The following SAE1 variants were observed in gnomAD, a reference collection of about 807,000 sequenced individuals.
SAE1 encodes the protein SUMO-activating enzyme subunit 1.
Under a neutral mutation model 40.6 loss-of-function variants are expected in SAE1, and 11 were observed. The observed-to-expected ratio is 0.27, with a 90% CI of 0.17 to 0.45. The LOEUF (loss-of-function observed/expected upper bound fraction) is 0.45, where lower values mean the gene tolerates loss of function less well. Among genes scored for constraint, SAE1 ranks in the 20% least tolerant of loss-of-function variants. SAE1 has a pLI of 1.00. For synonymous variants in SAE1, 155 were observed against 154.3 expected, an observed-to-expected ratio of 1.00 and a Z score of -0.03; for missense variants, 373 against 427.3, an observed-to-expected ratio of 0.87 and a Z score of 1.12.
At chr19:47,133,311 C>T (rs1400350747) in intron 1 of SAE1, among the ~76,000 whole-genome samples, 4 of 152,146 alleles carry the variant, frequency 2.6e-5, no homozygotes, top group Admixed American at 6.5e-5. Context: ...GCAGTGAATC[C>T]GCCTCCCAGG....
At chr19:47,167,260 C>G (rs1395682846) in intron 5 of SAE1, among the ~76,000 whole-genome samples, 1 of 149,454 alleles carries the variant, frequency 6.7e-6, no homozygotes, top group Non-Finnish European at 1.5e-5. Flanking sequence ...GGCCTGCGCC[C>G]AGATAATTTT....
Position 47,179,124 on chromosome 19 carries a change from A to G in SAE1, c.733+9201A>G, listed in dbSNP as rs111945862. 8.1e-3 allele frequency among the ~76,000 whole-genome samples: 1,212 copies of G among 148,738 alleles called. 19 individuals are homozygous for G. The highest frequency in any genetic ancestry group is 0.028 in the African/African-American group (1,130 of 40,276). Reference sequence around the variant, plus strand: ...GGAGAATGGTGTGAACCCGGGAGGCAGAGCTTGCAGTGAGCCGAGATCTCA... The same window carrying G: ...GGAGAATGGTGTGAACCCGGGAGGCGGAGCTTGCAGTGAGCCGAGATCTCA... On this transcript the variant is annotated intron_variant, in intron 6 of 8. Coordinates refer to ENST00000270225, the MANE Select transcript of SAE1 (RefSeq NM_005500.3).
chr19:47,132,608 G>T (rs1482040366), intron 1 of SAE1, among the ~76,000 whole-genome samples: 1 of 151,724 alleles, frequency 6.6e-6, no homozygotes, highest in Non-Finnish European at 1.5e-5. Flanking sequence ...TAGCCTGGAC[G>T]CAGTGACTCA....
chr19:47,203,572 T>A (rs2058667295), intron 7 of SAE1, 99 bp from the exon 8 acceptor site: 2 of 1,008,188 alleles, frequency 2.0e-6, no homozygotes, highest in South Asian at 2.8e-5. Context: ...CTGCTAGAAG[T>A]TGTTTTTATT....
intron 5 of SAE1, among the ~76,000 whole-genome samples, chr19:47,156,459 C>G (rs1005325860): frequency 2.0e-5 from 3 of 150,796 alleles, no homozygotes; most frequent in Non-Finnish European, 4.4e-5. Flanking sequence ...AGCCTGGCGA[C>G]AGAACGAGAC....
intron 6 of SAE1, 73 bp downstream of exon 6, chr19:47,169,996 C>T: frequency 8.7e-7 from 1 of 1,143,356 alleles, no homozygotes; most frequent in Non-Finnish European, 1.3e-6. Flanking sequence ...TTGCAAGGTC[C>T]AGATGGTTTT....
intron 6 of SAE1, among the ~76,000 whole-genome samples, chr19:47,172,999 C>G (rs571041880): frequency 5.3e-5 from 8 of 152,160 alleles, no homozygotes; most frequent in African/African-American, 1.9e-4. Flanking sequence ...CCACTGGAAG[C>G]CAGGTCTGTT....
intron 1 of SAE1, among the ~76,000 whole-genome samples, chr19:47,143,289 G>C (rs1286682759): frequency 6.6e-6 from 1 of 152,078 alleles, no homozygotes; most frequent in Non-Finnish European, 1.5e-5. Context: ...TATTTTAGTA[G>C]AGACGGGGTT....
At chr19:47,174,286 CTTTTTTCTTTTTCTTTTT>C (rs2058454187) in intron 6 of SAE1, among the ~76,000 whole-genome samples, 1 of 146,212 alleles carries the variant, frequency 6.8e-6, no homozygotes. Flanking sequence ...AATTTCTTTT[CTTTTTTCTTTTTCTTTTT>C]TTTTTTTTTT....
chr19:47,209,143 T>A lies in SAE1; in HGVS notation c.949-16T>A. 1 of 1,612,476 alleles carries A rather than the reference T, an allele frequency of 6.2e-7. No individual in the cohort carries two copies. Among genetic ancestry groups the A allele is most frequent in the Non-Finnish European group, 8.5e-7 (1 of 1,178,956 alleles). On this transcript the variant is annotated splice_polypyrimidine_tract_variant and intron_variant, in intron 8 of 8. Transcript: ENST00000270225. ...AAAGCACTTGAGCTAAACCCTCTTT[T>A]CATTTTTCTCCCCAGGCCCTGTCTC...
intron 4 of SAE1, among the ~76,000 whole-genome samples, chr19:47,153,326 A>T (rs778623626): frequency 6.6e-6 from 1 of 152,134 alleles, no homozygotes; most frequent in Non-Finnish European, 1.5e-5. Flanking sequence ...ACCAAAGTCT[A>T]CCTTGGAAAA....
In SAE1 at chr19:47,153,067, C is replaced by T. The variant is rs374051020; in HGVS notation, c.527+27C>T. ...TAAGTGTTGGGAGAGGAGGGGAGAA[C>T]ATAACATTTTCTCCTTTTTATACTT... On this transcript the variant is annotated intron_variant, in intron 4 of 8. Coordinates refer to ENST00000270225, the MANE Select transcript of SAE1 (RefSeq NM_005500.3). The T allele has an allele frequency of 5.8e-6, 9 of 1,548,600 alleles. No homozygotes were observed. The African/African-American group carries it at 7.0e-5, about 12-fold the overall frequency.
intron 5 of SAE1, among the ~76,000 whole-genome samples, chr19:47,168,913 G>T (rs1220483010): frequency 1.3e-5 from 2 of 152,096 alleles, no homozygotes; most frequent in Non-Finnish European, 2.9e-5. Flanking sequence ...CTTGTAAATG[G>T]TATTTCAAAG....
At chr19:47,179,076 C>G (rs1222228206) in intron 6 of SAE1, among the ~76,000 whole-genome samples, 1 of 151,004 alleles carries the variant, frequency 6.6e-6, no homozygotes, top group Non-Finnish European at 1.5e-5. Context: ...TCTGTAGTCT[C>G]AGCTACTTGG....
intron 2 of SAE1, among the ~76,000 whole-genome samples, chr19:47,145,620 G>A (rs766304010): frequency 2.0e-5 from 3 of 151,842 alleles, no homozygotes; most frequent in East Asian, 1.9e-4. Flanking sequence ...TTACTCTGTC[G>A]CCCAGGCTGG....
chr19:47,173,383 C>T (rs2058447390), intron 6 of SAE1, among the ~76,000 whole-genome samples: 1 of 152,176 alleles, frequency 6.6e-6, no homozygotes, highest in Non-Finnish European at 1.5e-5. Flanking sequence ...CTGTCCACCC[C>T]TCCAACCCCG....
chr19:47,160,388 A>ATTT (rs34266912), intron 5 of SAE1, among the ~76,000 whole-genome samples: 43 of 75,106 alleles, frequency 5.7e-4, no homozygotes, highest in African/African-American at 1.1e-3. Flanking sequence ...CGCCCAGCTA[A>ATTT]TTTTTTTTTT....
intron 5 of SAE1, among the ~76,000 whole-genome samples, chr19:47,166,857 G>A (rs1450416578): frequency 6.6e-6 from 1 of 152,110 alleles, no homozygotes; most frequent in African/African-American, 2.4e-5. Flanking sequence ...AAAGATTTGA[G>A]GGCAGTGAAA....
intron 6 of SAE1, among the ~76,000 whole-genome samples, chr19:47,189,146 AG>A (rs954736851): frequency 7.9e-5 from 12 of 152,182 alleles, no homozygotes; most frequent in Admixed American, 3.9e-4. Flanking sequence ...CTTAGGAAAC[AG>A]GCTGTTGGAT....
Sources: gnomAD v4.1 joint callset for allele counts (sites outside exome capture counted in the v4.1 genomes callset) on GRCh38, gnomAD v4.1.1 for gene constraint, MANE v1.5 for transcripts, NCBI Gene and HGNC (gene_info 2026-07-23, HGNC 2026-07-21) for gene names.